The following EYS variants were observed in gnomAD, a reference collection of about 807,000 sequenced individuals.
The protein encoded by EYS is EGF-like photoreceptor maintenance factor.
A neutral mutation model predicts 282.1 loss-of-function variants in EYS; 250 were observed. The ratio of observed to expected loss-of-function variants is 0.89; its 90% CI spans 0.80 to 0.98. EYS has a LOEUF of 0.98. Among genes scored for constraint, EYS ranks in the 50% least tolerant of loss-of-function variants. The pLI, the probability that EYS is intolerant of heterozygous loss-of-function variation, is 0.00. For missense variants in EYS, 4,016 were observed against 3,709.0 expected (o/e 1.08, Z -2.15); for synonymous variants, 1,355 against 1,282.9 (o/e 1.06, Z -1.20).
chr6:64,584,041 T>C (rs906504771), intron 26 of EYS, among the ~76,000 whole-genome samples: 2 of 152,138 alleles, frequency 1.3e-5, no homozygotes, highest in African/African-American at 4.8e-5. Flanking sequence ...TCTATATGAA[T>C]ATATTTCTCA....
rs541485027 is a variant in EYS, at chr6:65,542,554, G to A, written c.-332-46561C>T. On this transcript the variant is annotated intron_variant, in intron 2 of 42. Transcript: ENST00000503581. The stretch of plus-strand genomic sequence containing the variant: ...GGATATGTGTCAACACCAATCATAT[G>A]TTCACTGTATTAAAAAATTAGAATA... Among the ~76,000 whole-genome samples the A allele has an allele frequency of 1.6e-3, 238 of 151,482 alleles. 1 individual carries two copies. The highest frequency in any genetic ancestry group is 5.6e-3 in the African/African-American group (230 of 41,298).
chr6:64,079,411 T>C (rs1196413174), intron 32 of EYS, among the ~76,000 whole-genome samples: 1 of 152,094 alleles, frequency 6.6e-6, no homozygotes, highest in African/African-American at 2.4e-5. Flanking sequence ...ATGCTTCTTT[T>C]AGGCATTTTA....
intron 33 of EYS, among the ~76,000 whole-genome samples, chr6:64,037,404 A>C (rs1271622772): frequency 3.3e-5 from 5 of 152,226 alleles, no homozygotes; most frequent in African/African-American, 1.2e-4. Context: ...AATTTCATGA[A>C]TATTAATAGA....
intron 8 of EYS, among the ~76,000 whole-genome samples, chr6:65,377,210 C>G (rs1437731911): frequency 1.3e-5 from 2 of 152,212 alleles, no homozygotes; most frequent in South Asian, 4.1e-4. Context: ...AATTAAAACT[C>G]AGGATTAAGA....
intron 19 of EYS, among the ~76,000 whole-genome samples, chr6:64,857,691 C>G (rs1766108158): frequency 6.6e-6 from 1 of 152,140 alleles, no homozygotes; most frequent in Non-Finnish European, 1.5e-5. Context: ...ATACCATTTT[C>G]CATATGGATT....
At chr6:64,955,017 T>C (rs1021356966) in intron 14 of EYS, among the ~76,000 whole-genome samples, 2 of 151,072 alleles carry the variant, frequency 1.3e-5, no homozygotes, top group Non-Finnish European at 3.0e-5. Flanking sequence ...AAAAATACAA[T>C]ACAAAACAAA....
intron 30 of EYS, among the ~76,000 whole-genome samples, chr6:64,238,841 T>A (rs553426140): frequency 6.6e-6 from 1 of 152,288 alleles, no homozygotes; most frequent in Non-Finnish European, 1.5e-5. Context: ...CCATGGTGGC[T>A]TGCTGCAAGC....
At chr6:64,500,450 A>G (rs1777003398) in intron 26 of EYS, among the ~76,000 whole-genome samples, 1 of 152,140 alleles carries the variant, frequency 6.6e-6, no homozygotes, top group Non-Finnish European at 1.5e-5. Context: ...GCTGCATTTA[A>G]GCTGACATTC....
At chr6:64,967,141 T>TA (rs1384809979) in intron 14 of EYS, among the ~76,000 whole-genome samples, 1 of 151,226 alleles carries the variant, frequency 6.6e-6, no homozygotes, top group African/African-American at 2.4e-5. Context: ...ATTTTCCATG[T>TA]AATCTGCCTG....
At chr6:65,006,288 A>C (rs945596989) in intron 13 of EYS, among the ~76,000 whole-genome samples, 4 of 152,080 alleles carry the variant, frequency 2.6e-5, no homozygotes, top group Non-Finnish European at 5.9e-5. Flanking sequence ...CTATTCATTT[A>C]AAAGCCAGGG....
At chr6:64,033,185 G>T (rs1272250533) in intron 33 of EYS, among the ~76,000 whole-genome samples, 2 of 152,100 alleles carry the variant, frequency 1.3e-5, no homozygotes, top group African/African-American at 2.4e-5. Context: ...TCAAGTTTTT[G>T]CTCATTTTTC....
chr6:64,879,261 T>A (rs2150058783), intron 19 of EYS, among the ~76,000 whole-genome samples: 1 of 152,270 alleles, frequency 6.6e-6, no homozygotes, highest in South Asian at 2.1e-4. Context: ...ATACAATAGC[T>A]GGCTTTGATG....
At chr6:65,419,820 C>A (rs1157808048) in intron 5 of EYS, among the ~76,000 whole-genome samples, 1 of 151,858 alleles carries the variant, frequency 6.6e-6, no homozygotes, top group Non-Finnish European at 1.5e-5. Context: ...TTCCAGATCA[C>A]TACAATAAAG....
intron 1 of EYS, among the ~76,000 whole-genome samples, chr6:65,645,015 G>A (rs959424426): frequency 3.9e-5 from 6 of 152,048 alleles, no homozygotes; most frequent in African/African-American, 1.4e-4. Context: ...AGGTATTCAG[G>A]CAACAAATAG....
At chr6:65,465,530 A>G (rs963289803) in intron 5 of EYS, among the ~76,000 whole-genome samples, 3 of 152,086 alleles carry the variant, frequency 2.0e-5, no homozygotes, top group Admixed American at 6.6e-5. Context: ...CAGATAATAG[A>G]ATGAAATGGA....
At chr6:65,597,744 G>T (rs1292241175) in intron 2 of EYS, among the ~76,000 whole-genome samples, 1 of 151,624 alleles carries the variant, frequency 6.6e-6, no homozygotes, top group Admixed American at 6.6e-5. Flanking sequence ...CCTTATTTAG[G>T]TTCCTTGAAA....
At chr6:63,918,041 A>C (rs562784104) in intron 35 of EYS, among the ~76,000 whole-genome samples, 1 of 152,316 alleles carries the variant, frequency 6.6e-6, no homozygotes, top group East Asian at 1.9e-4. Flanking sequence ...TCTGTACTAG[A>C]GTGTCTTTAT....
chr6:64,864,385 C>CTTTGTTTTTTTTTTTTTTT (rs1766349014), intron 19 of EYS, among the ~76,000 whole-genome samples: 1 of 57,166 alleles, frequency 1.7e-5, no homozygotes, highest in African/African-American at 5.9e-5. Context: ...GCTATACCTT[C>CTTTGTTTTTTTTTTTTTTT]TTTTTTTTTT....
intron 22 of EYS, among the ~76,000 whole-genome samples, chr6:64,722,886 C>T (rs1001266384): frequency 4.6e-5 from 7 of 151,932 alleles, no homozygotes; most frequent in Non-Finnish European, 7.4e-5. Flanking sequence ...CTGTGTTATT[C>T]GCCTGATGTT....
Sources: allele counts gnomAD v4.1 joint callset (sites outside exome capture counted in the v4.1 genomes callset), GRCh38; gene constraint gnomAD v4.1.1; transcripts MANE v1.5; gene names NCBI Gene and HGNC (gene_info 2026-07-23, HGNC 2026-07-21).